MYO3A: variants seen among roughly 807,000 people sequenced by gnomAD.
MYO3A encodes the protein myosin-IIIa.
Under a neutral mutation model 192.7 loss-of-function variants are expected in MYO3A, and 180 were observed. That is an observed-to-expected ratio of 0.93 (90% confidence interval 0.83 to 1.06). The LOEUF (loss-of-function observed/expected upper bound fraction) is 1.06, where lower values mean the gene tolerates loss of function less well. Ranked by LOEUF, MYO3A falls within the 50% of genes least tolerant of loss-of-function variation. MYO3A has a pLI of 0.00. For missense variants in MYO3A, 1,896 were observed against 1,905.0 expected (o/e 1.00, Z 0.09); for synonymous variants, 628 against 645.3 (o/e 0.97, Z 0.41).
intron 17 of MYO3A, among the ~76,000 whole-genome samples, chr10:26,106,932 T>TC (rs950317571): frequency 8.6e-5 from 13 of 151,796 alleles, no homozygotes; most frequent in African/African-American, 3.1e-4. Context: ...TGTATCTATT[T>TC]TTTTCTTTTA....
At chr10:25,975,730 G>T (rs1243334634) in intron 4 of MYO3A, among the ~76,000 whole-genome samples, 1 of 152,112 alleles carries the variant, frequency 6.6e-6, no homozygotes, top group East Asian at 1.9e-4. Context: ...TGACTGAATG[G>T]AGTTTATTTC....
At chr10:26,075,723 T>TG (rs1317056626) in intron 14 of MYO3A, among the ~76,000 whole-genome samples, 17 of 147,164 alleles carry the variant, frequency 1.2e-4, no homozygotes, top group Admixed American at 6.9e-5. Flanking sequence ...CTCATATATA[T>TG]ATGATATATA....
At chr10:26,018,730 G>A (rs1306377226) in intron 7 of MYO3A, among the ~76,000 whole-genome samples, 1 of 152,130 alleles carries the variant, frequency 6.6e-6, no homozygotes, top group Non-Finnish European at 1.5e-5. Context: ...TATTTATTAT[G>A]ATTCTAGGAC....
chr10:26,205,479 T>TTTG (rs1554846908), intron 34 of MYO3A, among the ~76,000 whole-genome samples: 2 of 133,308 alleles, frequency 1.5e-5, no homozygotes, highest in African/African-American at 3.2e-5. Flanking sequence ...TTTTTTTTTT[T>TTTG]GGGGGGGGGC....
At chr10:25,943,768 T>TTGTGTGTG (rs58905708) in intron 2 of MYO3A, among the ~76,000 whole-genome samples, 13,647 of 142,558 alleles carry the variant, frequency 0.096, 733 homozygotes, top group Non-Finnish European at 0.11. Flanking sequence ...GTTCTAACAT[T>TTGTGTGTG]TGTGTGTGTG....
intron 14 of MYO3A, among the ~76,000 whole-genome samples, chr10:26,070,888 A>C (rs772818570): frequency 2.6e-5 from 4 of 152,118 alleles, no homozygotes; most frequent in Admixed American, 6.5e-5. Context: ...TGAAAGAGTT[A>C]AAAGAAATAA....
intron 4 of MYO3A, among the ~76,000 whole-genome samples, chr10:25,969,145 A>G (rs564842254): frequency 6.6e-6 from 1 of 152,258 alleles, no homozygotes; most frequent in African/African-American, 2.4e-5. Context: ...AGGCAGGAGA[A>G]TGGCTTGAAC....
rs1355448739 is a variant in MYO3A at position 26,049,669 on chromosome 10, CTTTCTTTTTTTTT to C, written c.954-17302_954-17290del. Among the ~76,000 whole-genome samples the C allele has an allele frequency of 5.3e-4, 40 of 75,422 alleles. 1 individual carries two copies. Among genetic ancestry groups the C allele is most frequent in the African/African-American group, 1.4e-3 (34 of 24,006 alleles). The allele number at this position is 75,422 out of a possible 152,430, so 49.5% of individuals were successfully genotyped here. A position where few individuals can be genotyped will look rare whatever the true frequency, so the allele number is the denominator to read the frequency against. ...GATGAAATTCTTTCTTTCTTTCTTT[CTTTCTTTTTTTTT>C]TTTTTTTTTTTTTTGAGACGGAGTC... On this transcript the variant is annotated intron_variant, in intron 10 of 34. Transcript: ENST00000642920.
intron 20 of MYO3A, among the ~76,000 whole-genome samples, chr10:26,138,612 T>C (rs192828846): frequency 5.3e-5 from 8 of 152,264 alleles, no homozygotes; most frequent in South Asian, 2.1e-4. Flanking sequence ...ACTCATATTA[T>C]TGAAAGGCAA....
intron 14 of MYO3A, among the ~76,000 whole-genome samples, chr10:26,074,732 C>G (rs1273231349): frequency 6.6e-6 from 1 of 151,430 alleles, no homozygotes; most frequent in Non-Finnish European, 1.5e-5. Flanking sequence ...CATGCAGGAG[C>G]TTTTGACTCT....
At chr10:25,983,942 T>C (rs901374568) in intron 4 of MYO3A, among the ~76,000 whole-genome samples, 3 of 152,212 alleles carry the variant, frequency 2.0e-5, no homozygotes, top group Non-Finnish European at 4.4e-5. Flanking sequence ...CTCGAAGGGA[T>C]TGAGGTCCAA....
intron 17 of MYO3A, among the ~76,000 whole-genome samples, chr10:26,110,311 C>T (rs1222016523): frequency 6.6e-6 from 1 of 152,104 alleles, no homozygotes; most frequent in Non-Finnish European, 1.5e-5. Flanking sequence ...GATGAATGAG[C>T]CCCTTCTCTC....
At chr10:26,171,476 C>A (rs538535938) in intron 29 of MYO3A, among the ~76,000 whole-genome samples, 1 of 152,160 alleles carries the variant, frequency 6.6e-6, no homozygotes, top group Non-Finnish European at 1.5e-5. Flanking sequence ...ACTTCTCTGC[C>A]ACCTCTTCCC....
At chr10:26,190,833 A>C (rs1326641341) in intron 31 of MYO3A, among the ~76,000 whole-genome samples, 1 of 152,148 alleles carries the variant, frequency 6.6e-6, no homozygotes, top group Non-Finnish European at 1.5e-5. Context: ...GCACCAACCT[A>C]ATAGAAAGCA....
At chr10:25,973,322 C>A (rs558700730) in intron 4 of MYO3A, among the ~76,000 whole-genome samples, 1 of 152,230 alleles carries the variant, frequency 6.6e-6, no homozygotes, top group East Asian at 1.9e-4. Flanking sequence ...GATTTTTGCA[C>A]ATTGATTTTG....
At chr10:26,089,288 C>T (rs1417930733) in intron 15 of MYO3A, among the ~76,000 whole-genome samples, 2 of 152,024 alleles carry the variant, frequency 1.3e-5, no homozygotes, top group African/African-American at 4.8e-5. Flanking sequence ...TGGAAAATTA[C>T]TCTTTGGTCT....
At chr10:26,010,604 C>G (rs1239628408) in intron 6 of MYO3A, among the ~76,000 whole-genome samples, 1 of 152,088 alleles carries the variant, frequency 6.6e-6, no homozygotes, top group African/African-American at 2.4e-5. Context: ...GTTGGGACTA[C>G]AGGCACACAC....
chr10:25,992,679 C>A (rs1449892591), intron 4 of MYO3A, among the ~76,000 whole-genome samples: 1 of 152,106 alleles, frequency 6.6e-6, no homozygotes, highest in African/African-American at 2.4e-5. Flanking sequence ...TGAGATATGT[C>A]CCATCAATAC....
At chr10:26,084,373 G>T (rs1372536217) in intron 14 of MYO3A, among the ~76,000 whole-genome samples, 2 of 152,190 alleles carry the variant, frequency 1.3e-5, no homozygotes. Context: ...TTGCATCAGT[G>T]TTCATCAGAG....
Sources: allele counts gnomAD v4.1 joint callset (sites outside exome capture counted in the v4.1 genomes callset), GRCh38; gene constraint gnomAD v4.1.1; transcripts MANE v1.5; gene names NCBI Gene and HGNC (gene_info 2026-07-23, HGNC 2026-07-21).